DPY19L1: variants seen among roughly 807,000 people sequenced by gnomAD.
DPY19L1 encodes dpy-19 like C-mannosyltransferase 1, also known as protein C-mannosyl-transferase DPY19L1.
Under a neutral mutation model 96.9 loss-of-function variants are expected in DPY19L1, and 35 were observed. The ratio of observed to expected loss-of-function variants is 0.36; its 90% CI spans 0.28 to 0.48. The LOEUF is 0.48. Ranked by LOEUF, DPY19L1 falls within the 20% of genes least tolerant of loss-of-function variation. The probability of loss-of-function intolerance (pLI) is 0.99; values close to 1 mark genes in which losing one functional copy is unlikely to be tolerated. For synonymous variants in DPY19L1, 205 were observed against 252.6 expected (o/e 0.81, Z 1.79); for missense variants, 521 against 777.9 (o/e 0.67, Z 3.93).
intron 10 of DPY19L1, among the ~76,000 whole-genome samples, chr7:34,965,744 A>G (rs768114508): frequency 1.3e-5 from 2 of 152,228 alleles, no homozygotes; most frequent in Non-Finnish European, 2.9e-5. Context: ...AAACATCAAA[A>G]TTATAAAAAC....
intron 6 of DPY19L1, among the ~76,000 whole-genome samples, chr7:35,006,102 GA>G: frequency 6.6e-6 from 1 of 152,010 alleles, no homozygotes; most frequent in Non-Finnish European, 1.5e-5. Flanking sequence ...AAAAGAGAAA[GA>G]AAAAATCTCC....
intron 21 of DPY19L1, among the ~76,000 whole-genome samples, chr7:34,937,644 T>C (rs1259988538): frequency 2.6e-5 from 4 of 152,002 alleles, no homozygotes; most frequent in Admixed American, 6.5e-5. Flanking sequence ...ATCTAAAAAG[T>C]TTTTTCAGGC....
intron 10 of DPY19L1, among the ~76,000 whole-genome samples, chr7:34,960,872 T>A (rs543251139): frequency 6.6e-6 from 1 of 152,322 alleles, no homozygotes; most frequent in South Asian, 2.1e-4. Flanking sequence ...ATGGATTTTT[T>A]AAACTTCCTA....
chr7:35,007,696 AT>A (rs200010541), intron 6 of DPY19L1, among the ~76,000 whole-genome samples: 8 of 150,930 alleles, frequency 5.3e-5, no homozygotes, highest in Admixed American at 2.6e-4. Flanking sequence ...ACTTTGCAGC[AT>A]TTTTTTTTCT....
At chr7:35,020,559 T>C (rs143582239) in intron 1 of DPY19L1, among the ~76,000 whole-genome samples, 87 of 152,342 alleles carry the variant, frequency 5.7e-4, no homozygotes, top group African/African-American at 1.9e-3. Context: ...CCTGCTAATA[T>C]TCATAAAATG....
chr7:35,001,688 A>C (rs566758516), intron 6 of DPY19L1, among the ~76,000 whole-genome samples: 45 of 152,314 alleles, frequency 3.0e-4, no homozygotes, highest in Non-Finnish European at 5.9e-4. Context: ...CTATATAAAA[A>C]CTCAACCTTA....
At chr7:34,958,844 A>G (rs1296266956) in intron 10 of DPY19L1, among the ~76,000 whole-genome samples, 1 of 152,208 alleles carries the variant, frequency 6.6e-6, no homozygotes, top group Non-Finnish European at 1.5e-5. Flanking sequence ...AGTAGATGAG[A>G]CACAGCACCT....
intron 3 of DPY19L1, 56 bp from the exon 4 acceptor site, chr7:35,013,761 C>T (rs1238409302): frequency 2.9e-6 from 4 of 1,387,730 alleles, no homozygotes; most frequent in Non-Finnish European, 3.9e-6. Flanking sequence ...TATGATGCCA[C>T]TTCTAAGTAA....
chr7:35,012,212 C>T (rs1785729258), intron 4 of DPY19L1, among the ~76,000 whole-genome samples: 1 of 152,240 alleles, frequency 6.6e-6, no homozygotes, highest in Non-Finnish European at 1.5e-5. Flanking sequence ...GGGCCCTTCT[C>T]ACAAGGTAGG....
In DPY19L1 at chr7:34,951,833, A is replaced by G. The variant is rs115048872; in HGVS notation, c.1321-1935T>C. Among the ~76,000 whole-genome samples the G allele has an allele frequency of 6.9e-3, 1,054 of 152,064 alleles. 13 individuals carry two copies. The highest frequency in any genetic ancestry group is 0.024 in the African/African-American group (1,001 of 41,556). On this transcript the variant is annotated intron_variant, in intron 13 of 21. Transcript: ENST00000638088. ...AAAAAGCAAAATGAAAAAGGGAGAA[A>G]TAACTATGGACTCAACATAGTAAGA...
chr7:34,974,629 T>C (rs1327594222), intron 7 of DPY19L1, among the ~76,000 whole-genome samples: 1 of 152,202 alleles, frequency 6.6e-6, no homozygotes, highest in Non-Finnish European at 1.5e-5. Context: ...GTTACTAGAA[T>C]GCAATTTTTA....
At chr7:34,971,022 T>C (rs574875915) in intron 8 of DPY19L1, among the ~76,000 whole-genome samples, 1 of 152,282 alleles carries the variant, frequency 6.6e-6, no homozygotes, top group Non-Finnish European at 1.5e-5. Flanking sequence ...GAATAGTCTC[T>C]TTTCTGGTTT....
chr7:34,994,801 C>G (rs1418139551), intron 6 of DPY19L1, among the ~76,000 whole-genome samples: 1 of 146,878 alleles, frequency 6.8e-6, no homozygotes, highest in Non-Finnish European at 1.5e-5. Context: ...AAGATTCCGT[C>G]TCAAAAAAAA....
In DPY19L1 at chr7:34,930,306, A is replaced by G. The variant is rs1783726297; in HGVS notation, c.*1267T>C. 6.6e-6 allele frequency: 1 copy of G among 152,234 alleles called. No individual in the cohort carries two copies. Among genetic ancestry groups the G allele is most frequent in the Admixed American group, 6.5e-5 (1 of 15,290 alleles). 9.4% of individuals were successfully genotyped at this position (152,234 alleles called of 1,614,324 possible). Reference sequence around the variant, plus strand: ...CTCATTTCACACAAATTAACTTCTAAGAAACAAAAATTCATACAAGGAATT... The same window carrying G: ...CTCATTTCACACAAATTAACTTCTAGGAAACAAAAATTCATACAAGGAATT... On this transcript the variant is annotated 3_prime_UTR_variant, in exon 22 of 22. Transcript: ENST00000638088.
intron 15 of DPY19L1, among the ~76,000 whole-genome samples, chr7:34,947,110 C>T (rs1476027617): frequency 1.3e-5 from 2 of 152,180 alleles, no homozygotes; most frequent in Non-Finnish European, 2.9e-5. Context: ...GGGAATATCA[C>T]ACTTGCTTTG....
chr7:34,994,242 C>G (rs1016789428), intron 6 of DPY19L1, among the ~76,000 whole-genome samples: 1 of 152,000 alleles, frequency 6.6e-6, no homozygotes, highest in African/African-American at 2.4e-5. Flanking sequence ...AGATAATCAA[C>G]AAGCTCAATG....
At chr7:34,993,830 C>A (rs1424532298) in intron 6 of DPY19L1, among the ~76,000 whole-genome samples, 1 of 151,482 alleles carries the variant, frequency 6.6e-6, no homozygotes, top group African/African-American at 2.4e-5. Context: ...AAGGCCAAGG[C>A]AAGTGGATCA....
chr7:34,971,249 G>T (rs1355718311), intron 8 of DPY19L1, among the ~76,000 whole-genome samples: 1 of 152,174 alleles, frequency 6.6e-6, no homozygotes, highest in Non-Finnish European at 1.5e-5. Flanking sequence ...TAGAGAGAAG[G>T]TTACTATCCT....
At chr7:35,019,762 A>C (rs1040741209) in intron 1 of DPY19L1, among the ~76,000 whole-genome samples, 11 of 152,224 alleles carry the variant, frequency 7.2e-5, no homozygotes, top group Non-Finnish European at 1.6e-4. Context: ...ACAAATATCT[A>C]ACTTAGTTTG....
Sources: gnomAD v4.1 joint callset for allele counts (sites outside exome capture counted in the v4.1 genomes callset) on GRCh38, gnomAD v4.1.1 for gene constraint, MANE v1.5 for transcripts, NCBI Gene and HGNC (gene_info 2026-07-23, HGNC 2026-07-21) for gene names.